Variants in PTPN22 observed in about 807,000 individuals in gnomAD.
The protein encoded by PTPN22 is protein tyrosine phosphatase non-receptor type 22.
In PTPN22, 85 loss-of-function variants were observed where a neutral mutation model predicts 103.3. That is an observed-to-expected ratio of 0.82 (90% confidence interval 0.69 to 0.99). The LOEUF is 0.99. Ranked by LOEUF, PTPN22 falls within the 50% of genes least tolerant of loss-of-function variation. PTPN22 has a pLI of 0.00. For synonymous variants in PTPN22, 323 were observed against 310.2 expected (o/e 1.04, Z -0.43); for missense variants, 865 against 936.9 (o/e 0.92, Z 1.00).
chr1:113,829,742 T>C, intron 17 of PTPN22, 35 bp from the exon 18 acceptor site: 1 of 1,393,314 alleles, frequency 7.2e-7, no homozygotes, highest in Non-Finnish European at 9.9e-7. Flanking sequence ...CATGTTCCAT[T>C]GCATACCTTC....
rs137900816 is a variant in PTPN22 at position 113,841,241 on chromosome 1, G to T, written c.916-2621C>A. Among the ~76,000 whole-genome samples the T allele has an allele frequency of 2.2e-3, 327 of 151,618 alleles. 3 individuals carry two copies. Among genetic ancestry groups the T allele is most frequent in the Admixed American group, 4.8e-3 (73 of 15,242 alleles). On this transcript the variant is annotated intron_variant, in intron 11 of 20. Coordinates refer to ENST00000359785, the Ensembl canonical transcript of PTPN22. ...CTCCATCTCAAAGGAAAAAAAAAAA[G>T]AGAGAGAATGAAGTTGGACCCTTAT...
exon 16 of PTPN22, chr1:113,833,138 T>A (rs202071561): frequency 6.4e-7 from 1 of 1,557,878 alleles, no homozygotes; most frequent in Non-Finnish European, 8.8e-7. Flanking sequence ...AGTTTTACAC[T>A]CTAAAAGAAA....
chr1:113,859,596 A>G, intron 1 of PTPN22, 136 bp from the exon 2 acceptor site: 1 of 688,562 alleles, frequency 1.5e-6, no homozygotes, highest in East Asian at 2.7e-5. Context: ...GACTCCGTTC[A>G]GGACAGAGCT....
intron 9 of PTPN22, among the ~76,000 whole-genome samples, 187 bp downstream of exon 9, chr1:113,854,284 G>A (rs1025949184): frequency 5.3e-5 from 8 of 152,172 alleles, no homozygotes; most frequent in Admixed American, 1.3e-4. Context: ...GATGCTTCTT[G>A]TCTGGGGACC....
At chr1:113,825,843 A>G (rs1662010198) in intron 18 of PTPN22, among the ~76,000 whole-genome samples, 1 of 151,900 alleles carries the variant, frequency 6.6e-6, no homozygotes, top group African/African-American at 2.4e-5. Flanking sequence ...CCTCCTGAGT[A>G]GCTGGGACTA....
intron 11 of PTPN22, among the ~76,000 whole-genome samples, chr1:113,845,920 T>A (rs1351620838): frequency 6.6e-6 from 1 of 152,248 alleles, no homozygotes; most frequent in Non-Finnish European, 1.5e-5. Flanking sequence ...GTCTACTTTA[T>A]CTGATATTAA....
chr1:113,845,204 T>TTG (rs1302217890), intron 11 of PTPN22, among the ~76,000 whole-genome samples: 6 of 150,536 alleles, frequency 4.0e-5, no homozygotes, highest in African/African-American at 9.7e-5. Flanking sequence ...GTTTTTGTTT[T>TTG]TTTTTTTTTT....
chr1:113,829,622 C>T (rs138878045), exon 18 of PTPN22: 129 of 1,604,968 alleles, frequency 8.0e-5, no homozygotes, highest in Admixed American at 1.2e-4. Flanking sequence ...TTCCAGGAGT[C>T]TTCAGTGTCT....
chr1:113,828,073 T>C (rs562110968), intron 18 of PTPN22, among the ~76,000 whole-genome samples: 1 of 152,356 alleles, frequency 6.6e-6, no homozygotes, highest in South Asian at 2.1e-4. Context: ...TCTGATCACC[T>C]ATTTTTGCCC....
In PTPN22 at chr1:113,869,064, A is replaced by G. The variant is rs148296280; in HGVS notation, c.87+2473T>C. Among the ~76,000 whole-genome samples the G allele has an allele frequency of 1.1e-3, 168 of 152,080 alleles. 1 individual carries two copies. Among genetic ancestry groups the G allele is most frequent in the African/African-American group, 4.0e-3 (164 of 41,488 alleles). ...GAACCTTGTCTCTACTAAAAATACA[A>G]AATTAGCCAGGCGTGGTGGCTCATG... On this transcript the variant is annotated intron_variant, in intron 1 of 20. Coordinates refer to ENST00000359785, the Ensembl canonical transcript of PTPN22.
At chr1:113,870,803 G>A (rs746539491) in intron 1 of PTPN22, among the ~76,000 whole-genome samples, 1 of 152,168 alleles carries the variant, frequency 6.6e-6, no homozygotes, top group Non-Finnish European at 1.5e-5. Context: ...AGGATTGCTT[G>A]AAGCCAGGAG....
intron 16 of PTPN22, among the ~76,000 whole-genome samples, chr1:113,832,795 A>C (rs1435806396): frequency 6.6e-6 from 1 of 152,206 alleles, no homozygotes; most frequent in Non-Finnish European, 1.5e-5. Context: ...GGCCAGAAAT[A>C]ATTTTTTGAA....
exon 8 of PTPN22, chr1:113,855,002 A>G (rs777995518): frequency 6.2e-7 from 1 of 1,608,692 alleles, no homozygotes; most frequent in South Asian, 1.1e-5. Context: ...AAGGTACATC[A>G]TGGTCTGGCC....
At position 113,820,713 on chromosome 1, in the gene PTPN22, A is replaced by T. The variant is rs533507101; in HGVS notation, c.2282-1059T>A. Among the ~76,000 whole-genome samples, 94 of 152,224 alleles carry T rather than the reference A, an allele frequency of 6.2e-4. 1 individual carries two copies. The highest frequency in any genetic ancestry group is 2.2e-3 in the African/African-American group (93 of 41,546). On this transcript the variant is annotated intron_variant, in intron 19 of 20. Transcript: ENST00000359785. ...AAAAGATAATTTCAGGTTTGTATAA[A>T]CTTTCTAACAAATTGCATATAAATG...
chr1:113,858,434 T>C (rs780653651), intron 4 of PTPN22, 44 bp downstream of exon 4: 4 of 1,410,536 alleles, frequency 2.8e-6, no homozygotes, highest in South Asian at 2.6e-5. Flanking sequence ...GCACTGTTTT[T>C]AATAAAGTAG....
At position 113,856,455 on chromosome 1, in the gene PTPN22, G is replaced by A. The variant is rs751911544; in HGVS notation, c.481-14C>T. The A allele has an allele frequency of 6.2e-7, 1 of 1,609,218 alleles. No individual in the cohort carries two copies. The highest frequency in any genetic ancestry group is 1.1e-5 in the South Asian group (1 of 90,614). ...TTTTTCAGCTTCCTAAAAAGAAAAAGAAGACTCAAGTATTAGTGATTGCAA... is the reference window on the plus strand; with the variant it reads ...TTTTTCAGCTTCCTAAAAAGAAAAAAAAGACTCAAGTATTAGTGATTGCAA... On this transcript the variant is annotated splice_polypyrimidine_tract_variant and intron_variant, in intron 6 of 20. Transcript: ENST00000359785.
chr1:113,819,479 A>T (rs1661417284), intron 20 of PTPN22, 98 bp downstream of exon 20: 1 of 826,032 alleles, frequency 1.2e-6, no homozygotes, highest in East Asian at 2.7e-5. Context: ...AAGGACCTAT[A>T]CATGCAACCT....
chr1:113,848,482 C>T (rs1664285444), intron 11 of PTPN22, 58 bp downstream of exon 11: 9 of 1,605,606 alleles, frequency 5.6e-6, no homozygotes, highest in South Asian at 1.1e-5. Flanking sequence ...ATCTGACATC[C>T]CTTGACCAAA....
chr1:113,858,442 T>G (rs1337910098), intron 4 of PTPN22, 36 bp downstream of exon 4: 2 of 1,447,058 alleles, frequency 1.4e-6, no homozygotes, highest in Admixed American at 2.1e-5. Context: ...TTTAATAAAG[T>G]AGAGAATAAA....
Sources: gnomAD v4.1 joint callset for allele counts (sites outside exome capture counted in the v4.1 genomes callset) on GRCh38, gnomAD v4.1.1 for gene constraint, MANE v1.5 for transcripts, NCBI Gene and HGNC (gene_info 2026-07-23, HGNC 2026-07-21) for gene names.